HACL1: variants seen among roughly 807,000 people sequenced by gnomAD.
HACL1 encodes 2-hydroxyacyl-CoA lyase 1, also known as 1600020H07Rik.
Under a neutral mutation model 74.2 loss-of-function variants are expected in HACL1, and 64 were observed. The ratio of observed to expected loss-of-function variants is 0.86; its 90% CI spans 0.70 to 1.06. The LOEUF is 1.06. Ranked by LOEUF, HACL1 falls within the 50% of genes least tolerant of loss-of-function variation. HACL1 has a pLI of 0.00. For synonymous variants in HACL1, 230 were observed against 238.8 expected, an observed-to-expected ratio of 0.96 and a Z score of 0.34; for missense variants, 728 against 719.7, an observed-to-expected ratio of 1.01 and a Z score of -0.13.
intron 11 of HACL1, 32 bp downstream of exon 11, chr3:15,573,127 C>T: frequency 1.8e-6 from 2 of 1,123,384 alleles, no homozygotes; most frequent in Non-Finnish European, 2.7e-6. Flanking sequence ...CCCTAATAAG[C>T]ACTCCACATA....
chr3:15,567,743 C>T, intron 14 of HACL1, 101 bp downstream of exon 14: 1 of 1,074,870 alleles, frequency 9.3e-7, no homozygotes, highest in Admixed American at 1.8e-5. Context: ...GCACAGGGCA[C>T]CTGGTGAACG....
chr3:15,593,177 A>C (rs1385756578), intron 3 of HACL1, among the ~76,000 whole-genome samples: 3 of 149,812 alleles, frequency 2.0e-5, no homozygotes, highest in African/African-American at 7.4e-5. Flanking sequence ...ATATGTGTGT[A>C]TATATACACA....
chr3:15,566,745 T>TTC (rs2063440279), intron 14 of HACL1, among the ~76,000 whole-genome samples: 1 of 150,528 alleles, frequency 6.6e-6, no homozygotes, highest in African/African-American at 2.4e-5. Flanking sequence ...TTTTTTTTTT[T>TTC]CAAGGAATTT....
intron 3 of HACL1, 62 bp from the exon 4 acceptor site, chr3:15,591,742 T>A: frequency 1.9e-6 from 2 of 1,067,086 alleles, no homozygotes; most frequent in Non-Finnish European, 2.8e-6. Flanking sequence ...CATAACACTT[T>A]AGTGTGAAAC....
chr3:15,593,796 CTTTT>C (rs1322426326), intron 3 of HACL1, among the ~76,000 whole-genome samples: 3 of 111,360 alleles, frequency 2.7e-5, no homozygotes, highest in African/African-American at 6.9e-5. Flanking sequence ...TTTTTTTTGT[CTTTT>C]TTTTTTTTTT....
In HACL1 at chr3:15,575,093, A is replaced by C. The variant is rs1368941283; in HGVS notation, c.804-11T>G. 6.3e-6 allele frequency: 8 copies of C among 1,278,056 alleles called. No individual in the cohort carries two copies. Among genetic ancestry groups the C allele is most frequent in the South Asian group, 4.9e-5 (4 of 82,186 alleles). 79.2% of individuals were successfully genotyped at this position (1,278,056 alleles called of 1,614,324 possible). A position where few individuals can be genotyped will look rare whatever the true frequency, so the allele number is the denominator to read the frequency against. On this transcript the variant is annotated splice_polypyrimidine_tract_variant and intron_variant, in intron 9 of 16. Coordinates refer to ENST00000321169, the MANE Select transcript of HACL1 (RefSeq NM_012260.4). Reference sequence around the variant, plus strand: ...GCAAATTGCAAAGCCCTATTAAAAAAATTGATATGAAAGTATAACTACATT... The same window carrying C: ...GCAAATTGCAAAGCCCTATTAAAAACATTGATATGAAAGTATAACTACATT...
At position 15,586,552 on chromosome 3, in the gene HACL1, T is replaced by C; in HGVS notation, c.432A>G (p.Ile144Met). The C allele has an allele frequency of 1.9e-6, 3 of 1,598,972 alleles. No individual in the cohort carries two copies. The highest frequency in any genetic ancestry group is 2.6e-6 in the Non-Finnish European group (3 of 1,167,120). The change falls in exon 6 of 17, where the codon ATA becomes ATG. Residue 144 changes from isoleucine (I) to methionine (M), a missense_variant. Transcript: ENST00000321169. ...TTTCAATAACAAAAGGAATAGCTTC[T>C]ATGCTGCTTGGGCGGGCAGAGAACT... ...YTKFSARPSS[I>M]EAIPFVIEKA...
chr3:15,577,578 C>T (rs1337492497), intron 9 of HACL1, among the ~76,000 whole-genome samples: 1 of 151,730 alleles, frequency 6.6e-6, no homozygotes, highest in Non-Finnish European at 1.5e-5. Context: ...ATTCCTTGAG[C>T]CCAGGAGATC....
chr3:15,561,442 T>A (rs949849877), intron 16 of HACL1, among the ~76,000 whole-genome samples: 1 of 151,578 alleles, frequency 6.6e-6, no homozygotes, highest in Non-Finnish European at 1.5e-5. Flanking sequence ...TCCACTGGAA[T>A]GAAAATAAAT....
chr3:15,563,087 G>A (rs886375544), intron 16 of HACL1, among the ~76,000 whole-genome samples: 2 of 152,108 alleles, frequency 1.3e-5, no homozygotes, highest in African/African-American at 2.4e-5. Context: ...GTGTTCAGTT[G>A]TGAGGTTACC....
Position 15,601,135 on chromosome 3 carries a change from G to T in HACL1, c.141C>A (p.Ala47=), listed in dbSNP as rs1163620170. ...GIPVTEIAIA[A]QQLGIKYIGM... ...CGATGTACTTGATGCCTAGCTGCTG[G>T]GCAGCAATGGCGATTTCGGTCACTG... is the stretch of plus-strand genomic sequence containing the variant. Residue 47 remains alanine, a synonymous_variant, in exon 2 of 17, where the codon GCC becomes GCA. Coordinates refer to ENST00000321169, the MANE Select transcript of HACL1 (RefSeq NM_012260.4). The T allele has an allele frequency of 5.0e-6, 8 of 1,613,572 alleles. No homozygotes were observed. In the East Asian group the frequency reaches 1.3e-4, roughly 27 times the overall value.
At chr3:15,581,914 A>G (rs920510026) in intron 8 of HACL1, among the ~76,000 whole-genome samples, 3 of 152,306 alleles carry the variant, frequency 2.0e-5, no homozygotes, top group African/African-American at 7.2e-5. Flanking sequence ...TGCTTTCCAC[A>G]TATTTTGCTA....
At chr3:15,581,742 A>G (rs2063718413) in intron 8 of HACL1, among the ~76,000 whole-genome samples, 1 of 152,194 alleles carries the variant, frequency 6.6e-6, no homozygotes, top group Non-Finnish European at 1.5e-5. Context: ...ACCACGCAAG[A>G]ACATACCGCA....
intron 10 of HACL1, among the ~76,000 whole-genome samples, chr3:15,574,239 G>T (rs929064965): frequency 6.6e-6 from 1 of 152,134 alleles, no homozygotes; most frequent in Admixed American, 6.6e-5. Flanking sequence ...ATTGTTGTAC[G>T]CGTCTATAGT....
At chr3:15,580,670 T>C (rs113070622) in intron 8 of HACL1, among the ~76,000 whole-genome samples, 243 of 152,262 alleles carry the variant, frequency 1.6e-3, no homozygotes, top group African/African-American at 5.5e-3. Flanking sequence ...GAACACACTA[T>C]CTTCATTGAG....
chr3:15,576,154 CAAA>C (rs1185744343), intron 9 of HACL1, among the ~76,000 whole-genome samples: 8,845 of 62,040 alleles, frequency 0.14, 251 homozygotes, highest in East Asian at 0.4. Flanking sequence ...GACTCTGTCT[CAAA>C]AAAAAAAAAA....
intron 14 of HACL1, among the ~76,000 whole-genome samples, chr3:15,565,565 A>G (rs960570774): frequency 3.3e-5 from 5 of 152,238 alleles, no homozygotes; most frequent in African/African-American, 9.6e-5. Context: ...TTATTGACTG[A>G]AAAGAATGTA....
chr3:15,561,329 T>C (rs1188217517), intron 16 of HACL1, among the ~76,000 whole-genome samples: 1 of 152,116 alleles, frequency 6.6e-6, no homozygotes, highest in Non-Finnish European at 1.5e-5. Context: ...GGCATTCCCA[T>C]ATTGAGGCAG....
In HACL1 at chr3:15,567,810, G is replaced by C. The variant is rs976721651; in HGVS notation, c.1409+34C>G. Reference sequence around the variant, plus strand: ...TGTGTGTCATTTTTCATATTCTAGAGAATCAAATGCTCTGATTCAGGATGA... The same window carrying C: ...TGTGTGTCATTTTTCATATTCTAGACAATCAAATGCTCTGATTCAGGATGA... On this transcript the variant is annotated intron_variant, in intron 14 of 16. Coordinates refer to ENST00000321169, the MANE Select transcript of HACL1 (RefSeq NM_012260.4). The C allele has an allele frequency of 2.5e-6, 4 of 1,590,172 alleles. No homozygotes were observed. The African/African-American group carries it at 5.4e-5, about 21-fold the overall frequency.
Sources: gnomAD v4.1 joint callset for allele counts (sites outside exome capture counted in the v4.1 genomes callset) on GRCh38, gnomAD v4.1.1 for gene constraint, MANE v1.5 for transcripts, NCBI Gene and HGNC (gene_info 2026-07-23, HGNC 2026-07-21) for gene names.